TOP3A: variants seen among roughly 807,000 people sequenced by gnomAD.
TOP3A encodes the protein DNA topoisomerase 3-alpha.
TOP3A carries 64 observed loss-of-function variants against 111.3 expected under a neutral mutation model. That is an observed-to-expected ratio of 0.57 (90% CI 0.47 to 0.71). TOP3A has a LOEUF of 0.71. Ranked by LOEUF, TOP3A falls within the 30% of genes least tolerant of loss-of-function variation. The probability of loss-of-function intolerance (pLI) is 0.00; values close to 1 mark genes in which losing one functional copy is unlikely to be tolerated. For missense variants in TOP3A, 1,104 were observed against 1,285.0 expected (o/e 0.86, Z 2.15); for synonymous variants, 484 against 485.1 (o/e 1.00, Z 0.03).
intron 16 of TOP3A, among the ~76,000 whole-genome samples, chr17:18,282,420 A>G (rs1197586903): frequency 6.6e-6 from 1 of 152,202 alleles, no homozygotes; most frequent in African/African-American, 2.4e-5. Flanking sequence ...ATGCTCCTCC[A>G]TGTGTTACAC....
chr17:18,299,527 C>CT, intron 9 of TOP3A, 32 bp downstream of exon 9: 1 of 1,603,728 alleles, frequency 6.2e-7, no homozygotes, highest in Non-Finnish European at 8.5e-7. Context: ...AAGTGTTCCC[C>CT]GAGTGCCTGA....
intron 18 of TOP3A, among the ~76,000 whole-genome samples, chr17:18,275,316 AGAG>A (rs1395183819): frequency 7.2e-6 from 1 of 138,746 alleles, no homozygotes; most frequent in East Asian, 2.1e-4. Flanking sequence ...AAAAAAAAAA[AGAG>A]CAGCAGACGA....
intron 9 of TOP3A, among the ~76,000 whole-genome samples, chr17:18,295,552 C>T (rs1980744669): frequency 6.6e-6 from 1 of 152,168 alleles, no homozygotes; most frequent in Non-Finnish European, 1.5e-5. Context: ...ACCTCTGCCT[C>T]CTGGGTTCAT....
intron 10 of TOP3A, among the ~76,000 whole-genome samples, chr17:18,294,387 C>T (rs1055109361): frequency 2.0e-5 from 3 of 151,718 alleles, no homozygotes; most frequent in Non-Finnish European, 2.9e-5. Context: ...TGGAGTGCAG[C>T]GGTGTGATCT....
chr17:18,283,069 G>A (rs1223298994), intron 15 of TOP3A, among the ~76,000 whole-genome samples: 1 of 152,110 alleles, frequency 6.6e-6, no homozygotes, highest in African/African-American at 2.4e-5. Context: ...GCTTCTGCTT[G>A]TCACCAGCCC....
chr17:18,282,830 G>A lies in TOP3A; in HGVS notation c.1889C>T (p.Ala630Val). The change falls in exon 16 of 19, where the codon GCC (alanine) becomes GTC (valine). Residue 630 changes from alanine (A) to valine (V), a missense_variant. Coordinates refer to ENST00000321105, the MANE Select transcript of TOP3A (RefSeq NM_004618.5). ...AVAKAKKLDE[A>V]LAQYFGNGTE... The stretch of plus-strand genomic sequence containing the variant: ...CCCATTCCCAAAGTACTGGGCCAAG[G>A]CCTCGTCCAATCTGAAGAAAAGGCA... The A allele has an allele frequency of 3.1e-6, 5 of 1,614,064 alleles. No individual in the cohort carries two copies. Among genetic ancestry groups the A allele is most frequent in the South Asian group, 1.1e-5 (1 of 91,074 alleles).
intron 13 of TOP3A, among the ~76,000 whole-genome samples, chr17:18,289,153 C>T (rs546142292): frequency 6.6e-6 from 1 of 152,336 alleles, no homozygotes; most frequent in South Asian, 2.1e-4. Context: ...GCTGGGATTA[C>T]AGGCATGTGC....
chr17:18,311,675 T>A (rs1415271854), intron 1 of TOP3A, among the ~76,000 whole-genome samples: 2 of 152,238 alleles, frequency 1.3e-5, no homozygotes, highest in Non-Finnish European at 2.9e-5. Flanking sequence ...CAAAATATAA[T>A]CACTGTCCTT....
intron 9 of TOP3A, among the ~76,000 whole-genome samples, chr17:18,295,037 G>T (rs1980710298): frequency 3.9e-5 from 6 of 152,190 alleles, no homozygotes; most frequent in Admixed American, 3.9e-4. Flanking sequence ...CCTGACCACT[G>T]GGGAAGGTGC....
rs1326442585 is a variant in TOP3A at position 18,282,843 on chromosome 17, T to C, written c.1878-2A>G. 1.9e-6 allele frequency: 3 copies of C among 1,614,002 alleles called. No homozygotes were observed. The highest frequency in any genetic ancestry group is 2.5e-6 in the Non-Finnish European group (3 of 1,180,004). The stretch of plus-strand genomic sequence containing the variant: ...TACTGGGCCAAGGCCTCGTCCAATC[T>C]GAAGAAAAGGCAAAGACAGACACCC... On this transcript the variant is annotated splice_acceptor_variant, in intron 15 of 18. Transcript: ENST00000321105. LOFTEE classifies it high-confidence loss of function.
chr17:18,311,660 A>G (rs1424134143), intron 1 of TOP3A, among the ~76,000 whole-genome samples: 1 of 152,238 alleles, frequency 6.6e-6, no homozygotes, highest in Non-Finnish European at 1.5e-5. Context: ...GGACATAGCA[A>G]TTAACAAAAT....
At position 18,277,897 on chromosome 17, in the gene TOP3A, C is replaced by T. The variant is rs377760887; in HGVS notation, c.2605G>A (p.Ala869Thr). The change falls in exon 18 of 19, where the codon GCC becomes ACC. Residue 869 changes from alanine (A) to threonine (T), a missense_variant. By Grantham distance (58) the Ala-to-Thr change is moderately conservative. Coordinates refer to ENST00000321105, the MANE Select transcript of TOP3A (RefSeq NM_004618.5). ...PPALAYRPLGASLGCPPGPGI... is the reference protein window; with the variant it reads ...PPALAYRPLGTSLGCPPGPGI... Reference sequence around the variant, plus strand: ...GGGCCTGGTGGGCATCCCAGGGAGGCGCCCAGGGGTCTATATGCCAAGGCA... The same window carrying T: ...GGGCCTGGTGGGCATCCCAGGGAGGTGCCCAGGGGTCTATATGCCAAGGCA... The T allele has an allele frequency of 1.1e-5, 17 of 1,613,802 alleles. No individual in the cohort carries two copies. Among genetic ancestry groups the T allele is most frequent in the Admixed American group, 8.3e-5 (5 of 59,998 alleles).
At chr17:18,313,815 G>A (rs1480850787) in intron 1 of TOP3A, among the ~76,000 whole-genome samples, 2 of 152,106 alleles carry the variant, frequency 1.3e-5, no homozygotes, top group African/African-American at 4.8e-5. Context: ...AGGACCCTGG[G>A]AACTAAAGAA....
At chr17:18,308,250 A>T (rs1477753483) in intron 3 of TOP3A, 101 bp downstream of exon 3, 1 of 349,388 alleles carries the variant, frequency 2.9e-6, no homozygotes, top group African/African-American at 3.0e-5. Flanking sequence ...AAAAAAAAAA[A>T]AAAAAAAAAT....
intron 17 of TOP3A, among the ~76,000 whole-genome samples, chr17:18,279,097 G>A (rs1300192683): frequency 5.3e-5 from 8 of 152,162 alleles, no homozygotes; most frequent in African/African-American, 1.2e-4. Context: ...AAGCAGATAC[G>A]GGAATCCAGC....
At chr17:18,302,879 C>A (rs959456886) in intron 5 of TOP3A, 156 bp from the exon 6 acceptor site, 3 of 796,390 alleles carry the variant, frequency 3.8e-6, no homozygotes, top group Non-Finnish European at 5.8e-6. Context: ...CAATGGTGTA[C>A]AGTGTCTAAA....
chr17:18,305,475 AAC>A (rs1555572046), intron 4 of TOP3A, among the ~76,000 whole-genome samples: 55 of 146,730 alleles, frequency 3.7e-4, no homozygotes, highest in East Asian at 1.2e-3. Flanking sequence ...ATTCAGCTCT[AAC>A]ACACACACAC....
intron 10 of TOP3A, among the ~76,000 whole-genome samples, chr17:18,293,865 G>C (rs1051318574): frequency 2.6e-5 from 4 of 152,214 alleles, no homozygotes; most frequent in African/African-American, 4.8e-5. Context: ...AAAGTGCTAG[G>C]ATTACAGGCG....
At chr17:18,288,724 G>C (rs943273538) in intron 13 of TOP3A, among the ~76,000 whole-genome samples, 3 of 152,174 alleles carry the variant, frequency 2.0e-5, no homozygotes, top group African/African-American at 7.2e-5. Context: ...CGCTGATCCA[G>C]AAGTCTTACT....
Sources: gnomAD v4.1 joint callset for allele counts (sites outside exome capture counted in the v4.1 genomes callset) on GRCh38, gnomAD v4.1.1 for gene constraint, MANE v1.5 for transcripts, NCBI Gene and HGNC (gene_info 2026-07-23, HGNC 2026-07-21) for gene names.